Variants in TET2 observed in about 807,000 individuals in gnomAD.
TET2 encodes the protein tet methylcytosine dioxygenase 2, also known as methylcytosine dioxygenase TET2.
Under a neutral mutation model 142.9 loss-of-function variants are expected in TET2, and 299 were observed. The observed-to-expected ratio is 2.09, with a 90% confidence interval of 1.90 to 2.30. The LOEUF (loss-of-function observed/expected upper bound fraction) is 2.30, where lower values mean the gene tolerates loss of function less well. Among genes scored for constraint, TET2 ranks in the 30% most tolerant of loss-of-function variants. TET2 has a pLI of 0.00. For missense variants in TET2, 2,418 were observed against 2,378.0 expected, an observed-to-expected ratio of 1.02 and a Z score of -0.35; for synonymous variants, 819 against 849.0, an observed-to-expected ratio of 0.96 and a Z score of 0.61.
rs1183030017 is a variant in TET2, at chr4:105,275,607, A to G, written c.5097A>G (p.Gln1699=). The G allele has an allele frequency of 6.4e-7, 1 of 1,551,824 alleles. No homozygotes were observed. The change falls in exon 11 of 11, where the codon CAA becomes CAG. Residue 1699 remains glutamine (Q), a synonymous_variant. Coordinates refer to ENST00000380013, the MANE Select transcript of TET2 (RefSeq NM_001127208.3). ...FTSKYLGYGN[Q]NMQGDGFSSC... ...CTAAATACTTAGGTTATGGAAACCA[A>G]AATATGCAGGGAGATGGTTTCAGCA...
rs1415830017 is a variant in TET2 at position 105,243,723 on chromosome 4, G to A, written c.3748G>A (p.Glu1250Lys). 4.5e-6 allele frequency: 7 copies of A among 1,551,532 alleles called. No individual in the cohort carries two copies. Among genetic ancestry groups the A allele is most frequent in the Middle Eastern group, 3.3e-4 (2 of 5,992 alleles). ...TGACAAACTCTACTCGGAGCTTACC[G>A]AGACGCTGAGGAAATACGGCACGCT... ...LADKLYSELT[E>K]TLRKYGTLTN... Residue 1250 changes from glutamate to lysine, a missense_variant, in exon 6 of 11, where the codon GAG (glutamate) becomes AAG (lysine). Glu to Lys is a moderately conservative substitution (Grantham distance 56). Transcript: ENST00000380013.
intron 10 of TET2, among the ~76,000 whole-genome samples, chr4:105,274,725 G>C (rs1283549419): frequency 1.3e-5 from 2 of 152,126 alleles, no homozygotes; most frequent in Non-Finnish European, 2.9e-5. Flanking sequence ...CACCAAGGAA[G>C]GATAGGGAGA....
In TET2 at chr4:105,269,735, T is replaced by C; in HGVS notation, c.4170T>C (p.Asn1390=). The change falls in exon 9 of 11, where the codon AAT becomes AAC. Residue 1390 remains asparagine (N), a synonymous_variant. Coordinates refer to ENST00000380013, the MANE Select transcript of TET2 (RefSeq NM_001127208.3). ...HAHRDLHNMQ[N]GSTLVCTLTR... ...ACAGAGACTTGCACAACATGCAGAA[T>C]GGCAGCACATTGGTAAGTTGGGCTG... is the stretch of plus-strand genomic sequence containing the variant. 6.4e-7 allele frequency: 1 copy of C among 1,551,618 alleles called. No homozygotes were observed. Among genetic ancestry groups the C allele is most frequent in the Non-Finnish European group, 8.7e-7 (1 of 1,146,934 alleles).
At position 105,277,885 on chromosome 4, in the gene TET2, TTGA is replaced by T. The variant is rs1202280198; in HGVS notation, c.*1368_*1370del. On this transcript the variant is annotated 3_prime_UTR_variant, in exon 11 of 11. Transcript: ENST00000380013. ...AACTGAATGGCAGTCTGCCTTTGTG[TTGA>T]TAATTATGTACATTGTGACGTTGTC... 4.5e-6 allele frequency: 1 copy of T among 220,932 alleles called. No individual in the cohort carries two copies. The highest frequency in any genetic ancestry group is 9.0e-6 in the Non-Finnish European group (1 of 110,524). 13.7% of individuals were successfully genotyped at this position (220,932 alleles called of 1,614,324 possible). A position where few individuals can be genotyped will look rare whatever the true frequency, so the allele number is the denominator to read the frequency against.
chr4:105,219,247 A>G (rs1290716117), intron 2 of TET2, among the ~76,000 whole-genome samples: 1 of 152,160 alleles, frequency 6.6e-6, no homozygotes, highest in African/African-American at 2.4e-5. Context: ...TATCCTACAA[A>G]TTAACTAAAA....
chr4:105,275,072 T>C lies in TET2; in HGVS notation c.4562T>C (p.Val1521Ala), dbSNP rs1731133443. Reference sequence around the variant, plus strand: ...GAACTTTTGCGACTTTCAGGACCAGTCATGCAGCAGTCCCAGCAGCCCCAG... The same window carrying C: ...GAACTTTTGCGACTTTCAGGACCAGCCATGCAGCAGTCCCAGCAGCCCCAG... ...LAELLRLSGP[V>A]MQQSQQPQPL... is the part of the protein sequence containing the mutation. Residue 1521 changes from valine (V) to alanine (A), a missense_variant, in exon 11 of 11, where the codon GTC becomes GCC. Transcript: ENST00000380013. 1 of 1,545,412 alleles carries C rather than the reference T, an allele frequency of 6.5e-7. No homozygotes were observed. Among genetic ancestry groups the C allele is most frequent in the Non-Finnish European group, 8.7e-7 (1 of 1,144,080 alleles).
intron 1 of TET2, among the ~76,000 whole-genome samples, chr4:105,151,479 T>A (rs1467578959): frequency 1.3e-5 from 2 of 150,022 alleles, no homozygotes; most frequent in Admixed American, 6.7e-5. Flanking sequence ...ATATTAGATA[T>A]AGATAATATA....
intron 2 of TET2, among the ~76,000 whole-genome samples, chr4:105,199,317 C>T (rs1239161649): frequency 5.9e-5 from 9 of 151,968 alleles, no homozygotes; most frequent in African/African-American, 1.9e-4. Flanking sequence ...TAAGAGCGTA[C>T]GATTTAATCA....
intron 2 of TET2, among the ~76,000 whole-genome samples, chr4:105,224,684 G>GTCTATCTC (rs1728064997): frequency 9.3e-6 from 1 of 108,106 alleles, no homozygotes; most frequent in Non-Finnish European, 1.9e-5. Flanking sequence ...ATATCAGCCA[G>GTCTATCTC]TCTCTCTCTC....
intron 1 of TET2, among the ~76,000 whole-genome samples, chr4:105,171,168 A>G (rs1427741546): frequency 6.6e-6 from 1 of 152,064 alleles, no homozygotes; most frequent in Non-Finnish European, 1.5e-5. Context: ...GAGCTCCATG[A>G]TGGGAGTTCC....
Position 105,234,393 on chromosome 4 carries a change from G to A in TET2, c.451G>A (p.Val151Met). ...VSDLSDKKES[V>M]SSVAQENAVK... Reference sequence around the variant, plus strand: ...CGATTTGAGTGATAAGAAAGAATCTGTGAGTTCTGTAGCCCAAGAAAATGC... The same window carrying A: ...CGATTTGAGTGATAAGAAAGAATCTATGAGTTCTGTAGCCCAAGAAAATGC... Residue 151 changes from valine to methionine, a missense_variant, in exon 3 of 11, where the codon GTG becomes ATG. Transcript: ENST00000380013. 6.2e-7 allele frequency: 1 copy of A among 1,614,070 alleles called. No individual in the cohort carries two copies. Among genetic ancestry groups the A allele is most frequent in the Non-Finnish European group, 8.5e-7 (1 of 1,180,010 alleles).
chr4:105,148,810 A>G (rs180693397), intron 1 of TET2, among the ~76,000 whole-genome samples: 17 of 152,354 alleles, frequency 1.1e-4, no homozygotes, highest in South Asian at 2.1e-4. Context: ...AAGACAATTT[A>G]TAGGATTAAA....
intron 2 of TET2, among the ~76,000 whole-genome samples, chr4:105,220,932 T>G (rs1727782513): frequency 1.3e-5 from 2 of 152,188 alleles, no homozygotes; most frequent in South Asian, 2.1e-4. Flanking sequence ...ACTTCTGCAA[T>G]TTTTCTAAGT....
rs765056976 is a variant in TET2 at position 105,275,671 on chromosome 4, T to A, written c.5161T>A (p.Leu1721Met). The change falls in exon 11 of 11, where the codon TTG (leucine) becomes ATG (methionine). Residue 1721 changes from leucine (L) to methionine (M), a missense_variant. Physicochemically the swap from Leu to Met is conservative, Grantham distance 15 (BLOSUM62 2). Coordinates refer to ENST00000380013, the MANE Select transcript of TET2 (RefSeq NM_001127208.3). ...IRPNVHHVGKLPPYPTHEMDG... is the reference protein window; with the variant it reads ...IRPNVHHVGKMPPYPTHEMDG... ...ACCAAATGTACATCATGTAGGGAAA[T>A]TGCCTCCTTATCCCACTCATGAGAT... is the stretch of plus-strand genomic sequence containing the variant. 2 of 1,551,822 alleles carry A rather than the reference T, an allele frequency of 1.3e-6. No homozygotes were observed. Among genetic ancestry groups the A allele is most frequent in the Non-Finnish European group, 8.7e-7 (1 of 1,146,994 alleles).
At chr4:105,265,615 A>T (rs1348480424) in intron 8 of TET2, among the ~76,000 whole-genome samples, 1 of 152,196 alleles carries the variant, frequency 6.6e-6, no homozygotes, top group African/African-American at 2.4e-5. Context: ...ATGAGGTTAG[A>T]TAGACAAATA....
At chr4:105,216,486 A>AT in intron 2 of TET2, among the ~76,000 whole-genome samples, 1 of 152,120 alleles carries the variant, frequency 6.6e-6, no homozygotes, top group South Asian at 2.1e-4. Context: ...CTAAAATCAG[A>AT]TTTTTTATAC....
chr4:105,263,065 G>A (rs973318741), intron 8 of TET2, among the ~76,000 whole-genome samples: 6 of 151,176 alleles, frequency 4.0e-5, no homozygotes, highest in African/African-American at 1.5e-4. Context: ...TCCTTCTTTA[G>A]TGGAGACAGA....
chr4:105,158,470 G>A (rs1246678920), intron 1 of TET2, among the ~76,000 whole-genome samples: 1 of 152,102 alleles, frequency 6.6e-6, no homozygotes, highest in Non-Finnish European at 1.5e-5. Flanking sequence ...TAGGAAGAGA[G>A]GTAAAATGCT....
At chr4:105,271,139 G>A (rs920367085) in intron 9 of TET2, among the ~76,000 whole-genome samples, 5 of 152,088 alleles carry the variant, frequency 3.3e-5, no homozygotes, top group African/African-American at 1.2e-4. Flanking sequence ...AAAACTCCTT[G>A]AAAATGTAAA....
Sources: gnomAD v4.1 joint callset for allele counts (sites outside exome capture counted in the v4.1 genomes callset) on GRCh38, gnomAD v4.1.1 for gene constraint, MANE v1.5 for transcripts, NCBI Gene and HGNC (gene_info 2026-07-23, HGNC 2026-07-21) for gene names.